The following HEPH variants were observed in gnomAD, a reference collection of about 807,000 sequenced individuals.
HEPH encodes the protein hephaestin.
In HEPH, 69 loss-of-function variants were observed where a neutral mutation model predicts 80.8. The observed-to-expected ratio is 0.85, with a 90% CI of 0.70 to 1.04. The LOEUF is 1.04. Among genes scored for constraint, HEPH ranks in the 50% least tolerant of loss-of-function variants. The pLI, the probability that HEPH is intolerant of heterozygous loss-of-function variation, is 0.00. For missense variants in HEPH, 1,115 were observed against 891.3 expected (o/e 1.25, Z -3.20); for synonymous variants, 431 against 322.8 (o/e 1.34, Z -3.60).
chrX:66,241,294 A>T (rs1282745367), intron 15 of HEPH, among the ~76,000 whole-genome samples: 1 of 111,615 alleles, frequency 9.0e-6, no homozygotes, highest in Non-Finnish European at 1.9e-5. Flanking sequence ...TAAACACCTC[A>T]ATTAAAAGGC....
chrX:66,166,937 T>C (rs1037613256), intron 1 of HEPH, among the ~76,000 whole-genome samples: 1 of 112,495 alleles, frequency 8.9e-6, no homozygotes, highest in East Asian at 2.8e-4. Context: ...GCAAGTTTCA[T>C]TTCCAAACTA....
intron 12 of HEPH, among the ~76,000 whole-genome samples, chrX:66,202,143 A>G (rs773104255): frequency 8.9e-6 from 1 of 111,931 alleles, no homozygotes; most frequent in Non-Finnish European, 1.9e-5. Context: ...TGAGTCTTGG[A>G]TAATGAGTGG....
intron 15 of HEPH, among the ~76,000 whole-genome samples, chrX:66,213,726 A>C (rs1201375454): frequency 1.8e-5 from 2 of 112,001 alleles, no homozygotes; most frequent in Non-Finnish European, 3.8e-5. Context: ...ACCCAATAGT[A>C]TAGCATATTA....
intron 15 of HEPH, among the ~76,000 whole-genome samples, chrX:66,242,115 A>T (rs780642948): frequency 5.4e-5 from 6 of 110,996 alleles, no homozygotes; most frequent in Non-Finnish European, 1.1e-4. Context: ...CCAACTTTAA[A>T]CTATACTACA....
chrX:66,172,560 A>G lies in HEPH; in HGVS notation c.373A>G (p.Ile125Val), dbSNP rs1254469556. 8.4e-7 allele frequency: 1 copy of G among 1,196,206 alleles called. No homozygotes were observed. ...GAATTTTGCCACTCGTCCCTATACC[A>G]TCCACCCTCATGGTGTCTTCTACGA... The part of the protein sequence containing the change: ...LKNFATRPYT[I>V]HPHGVFYEKD... Residue 125 changes from isoleucine (I) to valine (V), a missense_variant, in exon 3 of 21, where the codon ATC becomes GTC. By Grantham distance (29) the Ile-to-Val change is conservative (BLOSUM62 3). Transcript: ENST00000343002.
chrX:66,206,466 G>C (rs2088786043), intron 13 of HEPH, among the ~76,000 whole-genome samples: 1 of 95,626 alleles, frequency 1.0e-5, no homozygotes, highest in African/African-American at 3.8e-5. Flanking sequence ...AGGTTCAAGT[G>C]ATTCTTGTGC....
chrX:66,265,488 T>TA (rs1214143431), intron 20 of HEPH, among the ~76,000 whole-genome samples: 1 of 110,936 alleles, frequency 9.0e-6, no homozygotes, highest in Non-Finnish European at 1.9e-5. Flanking sequence ...TCTGATTTTA[T>TA]AAAAGAAGAA....
At chrX:66,226,136 A>T (rs2089879706) in intron 15 of HEPH, among the ~76,000 whole-genome samples, 1 of 112,000 alleles carries the variant, frequency 8.9e-6, no homozygotes, top group Non-Finnish European at 1.9e-5. Flanking sequence ...TAATCTACAG[A>T]TAACATAACC....
intron 15 of HEPH, among the ~76,000 whole-genome samples, chrX:66,220,336 C>G (rs1027347877): frequency 9.0e-6 from 1 of 111,357 alleles, no homozygotes; most frequent in South Asian, 3.8e-4. Context: ...CTCAGGAGCA[C>G]GTTTATAAAC....
chrX:66,218,879 T>C (rs1292660753), intron 15 of HEPH, among the ~76,000 whole-genome samples: 3 of 112,259 alleles, frequency 2.7e-5, no homozygotes, highest in African/African-American at 9.7e-5. Flanking sequence ...GGGTCAATCT[T>C]TAACTACCAG....
chrX:66,260,914 G>T (rs7053804), intron 19 of HEPH, among the ~76,000 whole-genome samples: 1 of 111,131 alleles, frequency 9.0e-6, no homozygotes, highest in African/African-American at 3.3e-5. Context: ...CTGCAGGAAT[G>T]TGCCACCACA....
chrX:66,170,714 G>A lies in HEPH; in HGVS notation c.144G>A (p.Thr48=), dbSNP rs764757642. The change falls in exon 2 of 21, where the codon ACG becomes ACA. Residue 48 remains threonine, a synonymous_variant. Coordinates refer to ENST00000343002, the MANE Select transcript of HEPH (RefSeq NM_001367233.3). ...CTCCCAAGGGAAGAAATGTCATCACGAACCAGCCTCTGGACAGTGACATGT... is the reference window on the plus strand; with the variant it reads ...CTCCCAAGGGAAGAAATGTCATCACAAACCAGCCTCTGGACAGTGACATGT... ...NYAPKGRNVI[T]NQPLDSDIVA... 17 of 1,207,858 alleles carry A rather than the reference G, an allele frequency of 1.4e-5. No homozygotes were observed. Among genetic ancestry groups the A allele is most frequent in the South Asian group, 1.8e-5 (1 of 56,449 alleles).
In HEPH at chrX:66,214,033, C is replaced by T. The variant is rs1037083713; in HGVS notation, c.2563+5787C>T. ...GCACTCCCTATTGCACTACCCCCTT[C>T]CATGTGGTAAGTTGACCTATGCCTG... On this transcript the variant is annotated intron_variant, in intron 15 of 20. Coordinates refer to ENST00000343002, the MANE Select transcript of HEPH (RefSeq NM_001367233.3). Among the ~76,000 whole-genome samples, 3 of 112,353 alleles carry T rather than the reference C, an allele frequency of 2.7e-5. No homozygotes were observed. In the East Asian group the frequency reaches 8.3e-4, roughly 31 times the overall value.
rs371774230 is a variant in HEPH at position 66,266,673 on chromosome X, C to T, written c.*1C>T. The T allele has an allele frequency of 1.7e-6, 2 of 1,170,049 alleles. No individual in the cohort carries two copies. The highest frequency in any genetic ancestry group is 3.6e-5 in the South Asian group (2 of 55,607). ...CAAGCTTCTGTCTTTCAAACAGTAA[C>T]ATCTGGAGCCTGGAGATATCCTCAG... On this transcript the variant is annotated 3_prime_UTR_variant, in exon 21 of 21. Transcript: ENST00000343002.
chrX:66,222,101 A>T (rs1266685290), intron 15 of HEPH, among the ~76,000 whole-genome samples: 2 of 113,100 alleles, frequency 1.8e-5, no homozygotes, highest in East Asian at 5.6e-4. Flanking sequence ...ACAAGGGCTG[A>T]CTGATTAGTA....
At chrX:66,243,136 G>A (rs1013522595) in intron 15 of HEPH, among the ~76,000 whole-genome samples, 1 of 111,805 alleles carries the variant, frequency 8.9e-6, no homozygotes, top group African/African-American at 3.2e-5. Context: ...TATTCACTAT[G>A]GTGTACTAGG....
intron 15 of HEPH, among the ~76,000 whole-genome samples, chrX:66,218,907 G>C (rs761569164): frequency 5.4e-5 from 6 of 111,908 alleles, no homozygotes; most frequent in Non-Finnish European, 1.9e-5. Context: ...GTGTGGCACC[G>C]GGCTGTCTGT....
rs1223244680 is a variant in HEPH at position 66,189,933 on chromosome X, T to C, written c.1058T>C (p.Phe353Ser). 5.1e-6 allele frequency: 6 copies of C among 1,171,795 alleles called. No individual in the cohort carries two copies. Among genetic ancestry groups the C allele is most frequent in the Non-Finnish European group, 6.8e-6 (6 of 876,089 alleles). ...ATTAGCTGCCAAGTGAACAGTCACT[T>C]TCGAGGTGAGATCCAACATTTCTGA... ...WLISCQVNSH[F>S]RDGMQALYKV... The change falls in exon 6 of 21, where the codon TTT becomes TCT. Residue 353 changes from phenylalanine (F) to serine (S), a missense_variant. This residue lies in a region of HEPH where 391 missense variants were observed against 343.6 expected (regional missense o/e 1.14). Transcript: ENST00000343002.
At chrX:66,242,149 G>A (rs747400654) in intron 15 of HEPH, among the ~76,000 whole-genome samples, 27 of 110,157 alleles carry the variant, frequency 2.5e-4, no homozygotes, top group African/African-American at 8.5e-4. Flanking sequence ...CAAAACAGTG[G>A]GGTATTGGTA....
Sources: gnomAD v4.1 joint callset for allele counts (sites outside exome capture counted in the v4.1 genomes callset) on GRCh38, gnomAD v4.1.1 for gene constraint, gnomAD v4.1.1 regional missense constraint, MANE v1.5 for transcripts, NCBI Gene and HGNC (gene_info 2026-07-23, HGNC 2026-07-21) for gene names.